The following BRI3 variants were observed in gnomAD, a reference collection of about 807,000 sequenced individuals.
BRI3 encodes brain protein I3, also known as membrane protein BRI3.
Under a neutral mutation model 12.8 loss-of-function variants are expected in BRI3, and 6 were observed. The ratio of observed to expected loss-of-function variants is 0.47; its 90% CI spans 0.26 to 0.93. BRI3 has a LOEUF of 0.93. Among genes scored for constraint, BRI3 ranks in the 40% least tolerant of loss-of-function variants. The pLI is 0.15. For missense variants in BRI3, 134 were observed against 171.1 expected, an observed-to-expected ratio of 0.78 and a Z score of 1.21; for synonymous variants, 91 against 76.1, an observed-to-expected ratio of 1.20 and a Z score of -1.02.
downstream of BRI3, chr7:98,292,796 G>A (rs535091461): frequency 3.5e-4 from 540 of 1,538,720 alleles, 9 homozygotes; most frequent in South Asian, 6.2e-3. Context: ...TGACTCCGAC[G>A]CCCAGGCCTG....
the BRI3 span, among the ~76,000 whole-genome samples, chr7:98,322,099 G>A: frequency 2.0e-5 from 3 of 151,870 alleles, no homozygotes; most frequent in Non-Finnish European, 2.9e-5. Flanking sequence ...CTGTCTCCCC[G>A]CCCCCCAAAA....
the BRI3 span, among the ~76,000 whole-genome samples, chr7:98,321,614 T>C: frequency 6.6e-6 from 1 of 152,152 alleles, no homozygotes; most frequent in Non-Finnish European, 1.5e-5. Context: ...TGACATCTGA[T>C]AAAGGTGAAC....
chr7:98,284,641 G>A (rs1421699745), intron 2 of BRI3, among the ~76,000 whole-genome samples: 1 of 152,232 alleles, frequency 6.6e-6, no homozygotes, highest in African/African-American at 2.4e-5. Flanking sequence ...TGGTGGCATG[G>A]CAGGAATTTG....
downstream of BRI3, chr7:98,293,528 A>T: frequency 6.2e-7 from 1 of 1,613,406 alleles, no homozygotes; most frequent in Non-Finnish European, 8.5e-7. Flanking sequence ...CTCTCATCGA[A>T]TGATGGGTGC....
At chr7:98,313,981 C>CTTT (rs1800978580), downstream of BRI3, among the ~76,000 whole-genome samples, 1 of 120,064 alleles carries the variant, frequency 8.3e-6, no homozygotes, top group Non-Finnish European at 1.9e-5. Context: ...CCTTTTTCTT[C>CTTT]CTTTTTTTTT....
At chr7:98,310,502 T>C, downstream of BRI3, 1 of 1,607,466 alleles carries the variant, frequency 6.2e-7, no homozygotes, top group South Asian at 1.1e-5. Context: ...TTATTAAACA[T>C]ATCGATCAAG....
chr7:98,291,088 C>G (rs755471520), intron 2 of BRI3, 23 bp from the exon 3 acceptor site: 1 of 1,613,562 alleles, frequency 6.2e-7, no homozygotes, highest in Non-Finnish European at 8.5e-7. Context: ...CGGTGCCACC[C>G]TCTCTGCCCG....
rs199901153 is a variant in BRI3 at position 98,307,749 on chromosome 7, G to A, written n.379G>A. The A allele has an allele frequency of 1.3e-4, 211 of 1,614,102 alleles. 1 individual carries two copies. The highest frequency in any genetic ancestry group is 1.7e-4 in the Non-Finnish European group (199 of 1,180,054). On this transcript the variant is annotated non_coding_transcript_exon_variant, in exon 2 of 2. Transcript: ENST00000485422. Reference sequence around the variant, plus strand: ...ATCCTTCTCCTCGGGGATGAGCAGCGTGATGACATCTCCCTGTGCAAAGCT... The same window carrying A: ...ATCCTTCTCCTCGGGGATGAGCAGCATGATGACATCTCCCTGTGCAAAGCT...
downstream of BRI3, chr7:98,315,371 C>T (rs1047748974): frequency 2.5e-5 from 31 of 1,231,554 alleles, no homozygotes; most frequent in African/African-American, 4.3e-4. Flanking sequence ...GCTGGGATTA[C>T]AGGCGTGGGC....
chr7:98,305,200 T>C (rs148849009), upstream of BRI3, among the ~76,000 whole-genome samples: 252 of 151,468 alleles, frequency 1.7e-3, 2 homozygotes, highest in East Asian at 0.012. Flanking sequence ...CAAAAAATTA[T>C]TTAAAAGACA....
chr7:98,295,230 G>A (rs909414446), downstream of BRI3, among the ~76,000 whole-genome samples: 1 of 152,180 alleles, frequency 6.6e-6, no homozygotes, highest in African/African-American at 2.4e-5. Flanking sequence ...CTGCATGTTG[G>A]GTGTACAGGC....
the BRI3 span, among the ~76,000 whole-genome samples, chr7:98,322,594 G>T: frequency 6.6e-6 from 1 of 152,164 alleles, no homozygotes; most frequent in Non-Finnish European, 1.5e-5. Context: ...GGGGCATGGC[G>T]TGTGAAGTCA....
At chr7:98,300,384 C>T (rs536803713) in intron 1 of BRI3, among the ~76,000 whole-genome samples, 1 of 152,358 alleles carries the variant, frequency 6.6e-6, no homozygotes, top group East Asian at 1.9e-4. Context: ...ACTTGTCTAA[C>T]AGGAGTGCTG....
intron 1 of BRI3, among the ~76,000 whole-genome samples, chr7:98,299,695 T>A (rs955968573): frequency 6.6e-6 from 1 of 152,216 alleles, no homozygotes; most frequent in Non-Finnish European, 1.5e-5. Flanking sequence ...CTATTTTGTA[T>A]GATCTATTCC....
the BRI3 span, chr7:98,320,299 C>CT: frequency 6.3e-7 from 1 of 1,593,254 alleles, no homozygotes; most frequent in Admixed American, 1.8e-5. Context: ...AGGACATGTC[C>CT]TGGGAACAAA....
At chr7:98,293,001 AC>A, downstream of BRI3, 3 of 1,127,598 alleles carry the variant, frequency 2.7e-6, no homozygotes, top group Non-Finnish European at 3.3e-6. Context: ...CTACACTTAA[AC>A]ATTTTAAGTT....
downstream of BRI3, chr7:98,292,372 C>CT: frequency 2.2e-6 from 1 of 446,422 alleles, no homozygotes; most frequent in East Asian, 4.1e-5. Context: ...CCACACCTGT[C>CT]TAATTTTTGT....
the BRI3 span, chr7:98,320,189 A>C: frequency 6.3e-7 from 1 of 1,588,402 alleles, no homozygotes; most frequent in Non-Finnish European, 8.6e-7. Context: ...AATAAGTTCT[A>C]AAACCTGAAA....
downstream of BRI3, among the ~76,000 whole-genome samples, chr7:98,296,520 G>A (rs1262218394): frequency 6.6e-6 from 1 of 152,194 alleles, no homozygotes; most frequent in Non-Finnish European, 1.5e-5. Context: ...AGCTACTCAG[G>A]AGGCTGAGGC....
Sources: allele counts gnomAD v4.1 joint callset (sites outside exome capture counted in the v4.1 genomes callset), GRCh38; gene constraint gnomAD v4.1.1; transcripts MANE v1.5; gene names NCBI Gene and HGNC (gene_info 2026-07-23, HGNC 2026-07-21).